The following LUZP2 variants were observed in gnomAD, a reference collection of about 807,000 sequenced individuals.
LUZP2 encodes leucine zipper protein 2.
Under a neutral mutation model 51.6 loss-of-function variants are expected in LUZP2, and 52 were observed. The observed-to-expected ratio is 1.01, with a 90% CI of 0.81 to 1.27. The LOEUF (loss-of-function observed/expected upper bound fraction) is 1.27. LUZP2 is among the 50% of genes most tolerant of loss of function. LUZP2 has a pLI of 0.00. For missense variants in LUZP2, 436 were observed against 395.4 expected, an observed-to-expected ratio of 1.10 and a Z score of -0.87; for synonymous variants, 154 against 137.3, an observed-to-expected ratio of 1.12 and a Z score of -0.85.
At chr11:25,037,040 T>C (rs1171366127) in intron 9 of LUZP2, among the ~76,000 whole-genome samples, 1 of 152,110 alleles carries the variant, frequency 6.6e-6, no homozygotes, top group African/African-American at 2.4e-5. Context: ...TCTGTCTAAT[T>C]CTGTTAATGG....
intron 5 of LUZP2, among the ~76,000 whole-genome samples, chr11:24,866,002 T>G (rs1565016819): frequency 6.6e-6 from 1 of 151,032 alleles, no homozygotes; most frequent in Non-Finnish European, 1.5e-5. Context: ...TAGAGAGGGG[T>G]TTCACCATGT....
intron 7 of LUZP2, among the ~76,000 whole-genome samples, chr11:24,973,403 A>G (rs1162348164): frequency 1.1e-5 from 1 of 91,472 alleles, no homozygotes; most frequent in African/African-American, 3.4e-5. Flanking sequence ...TCCTGGGTTC[A>G]TTGATTTTTT....
intron 6 of LUZP2, among the ~76,000 whole-genome samples, chr11:24,908,914 A>G (rs1172552204): frequency 1.3e-5 from 2 of 151,088 alleles, no homozygotes; most frequent in African/African-American, 2.4e-5. Context: ...TTAGCCCGCC[A>G]CCACACCCAG....
intron 10 of LUZP2, among the ~76,000 whole-genome samples, chr11:25,063,813 CCAGGTTCTTTGTCTTTATTT>C (rs1483119869): frequency 6.6e-6 from 1 of 151,712 alleles, no homozygotes; most frequent in Non-Finnish European, 1.5e-5. Flanking sequence ...GAGCTTTATT[CCAGGTTCTTTGTCTTTATTT>C]AACCCCACAA....
chr11:24,729,363 TTAAA>T, intron 2 of LUZP2, 77 bp downstream of exon 2: 1 of 713,708 alleles, frequency 1.4e-6, no homozygotes, highest in Non-Finnish European at 2.3e-6. Flanking sequence ...ACATGCATTT[TTAAA>T]TAGTTTTTAA....
At chr11:24,763,477 C>T (rs1039534082) in intron 5 of LUZP2, among the ~76,000 whole-genome samples, 169 bp downstream of exon 5, 1 of 151,948 alleles carries the variant, frequency 6.6e-6, no homozygotes, top group Non-Finnish European at 1.5e-5. Flanking sequence ...AGTAGATAAT[C>T]CTTACGTTTA....
At chr11:24,860,172 T>C (rs1051083726) in intron 5 of LUZP2, among the ~76,000 whole-genome samples, 1 of 152,154 alleles carries the variant, frequency 6.6e-6, no homozygotes, top group Admixed American at 6.5e-5. Context: ...CTGGCTGTCA[T>C]CCGTCATCTG....
At chr11:24,741,862 TGTA>T (rs1859158355) in intron 4 of LUZP2, among the ~76,000 whole-genome samples, 1 of 136,780 alleles carries the variant, frequency 7.3e-6, no homozygotes, top group African/African-American at 2.9e-5. Context: ...AATATATAAA[TGTA>T]TATATATTTA....
chr11:25,023,882 T>C (rs1857411058), intron 9 of LUZP2, among the ~76,000 whole-genome samples: 1 of 152,192 alleles, frequency 6.6e-6, no homozygotes, highest in Non-Finnish European at 1.5e-5. Flanking sequence ...TGTCTTCATT[T>C]CGTTATGTAC....
chr11:24,981,606 G>C (rs1206954183), intron 8 of LUZP2, among the ~76,000 whole-genome samples: 1 of 151,818 alleles, frequency 6.6e-6, no homozygotes, highest in Non-Finnish European at 1.5e-5. Flanking sequence ...GAGTTGCTCT[G>C]GTTCAAACGC....
At chr11:24,960,371 A>G (rs1420089511) in intron 7 of LUZP2, among the ~76,000 whole-genome samples, 7 of 152,104 alleles carry the variant, frequency 4.6e-5, no homozygotes, top group African/African-American at 1.2e-4. Flanking sequence ...CTGTGAATCC[A>G]TCTGGTCCTG....
intron 9 of LUZP2, among the ~76,000 whole-genome samples, chr11:25,009,057 C>G (rs894506930): frequency 6.6e-6 from 1 of 152,082 alleles, no homozygotes; most frequent in African/African-American, 2.4e-5. Flanking sequence ...GTCATAAACA[C>G]TAATATACAA....
intron 1 of LUZP2, among the ~76,000 whole-genome samples, chr11:24,648,630 G>A (rs1855535061): frequency 6.6e-6 from 1 of 151,880 alleles, no homozygotes; most frequent in Non-Finnish European, 1.5e-5. Context: ...ATGAACCATG[G>A]CAAAGGAGTC....
At chr11:24,816,408 C>T (rs1341829488) in intron 5 of LUZP2, among the ~76,000 whole-genome samples, 1 of 151,884 alleles carries the variant, frequency 6.6e-6, no homozygotes, top group African/African-American at 2.4e-5. Flanking sequence ...TAAAGCACAA[C>T]TAGGATGTGA....
intron 1 of LUZP2, among the ~76,000 whole-genome samples, chr11:24,637,627 C>T (rs1855149896): frequency 6.6e-6 from 1 of 151,704 alleles, no homozygotes; most frequent in Non-Finnish European, 1.5e-5. Flanking sequence ...AACGGCCGCT[C>T]TAGGGGTGTC....
chr11:24,949,832 A>G (rs1261108762), intron 7 of LUZP2, among the ~76,000 whole-genome samples: 1 of 151,634 alleles, frequency 6.6e-6, no homozygotes, highest in East Asian at 1.9e-4. Context: ...GAACTCTTTG[A>G]AATTAGTTTG....
chr11:24,721,811 A>G (rs1185469593), intron 1 of LUZP2, among the ~76,000 whole-genome samples: 1 of 152,200 alleles, frequency 6.6e-6, no homozygotes, highest in Non-Finnish European at 1.5e-5. Flanking sequence ...ATGGAAATGC[A>G]TTTGACCGTG....
chr11:24,746,390 C>G (rs1859381871), intron 4 of LUZP2, among the ~76,000 whole-genome samples: 1 of 152,132 alleles, frequency 6.6e-6, no homozygotes, highest in Non-Finnish European at 1.5e-5. Flanking sequence ...CCCAATCCTT[C>G]TAGCTTGTAG....
At chr11:24,574,301 C>G (rs1234311419) in intron 1 of LUZP2, among the ~76,000 whole-genome samples, 12 of 58,520 alleles carry the variant, frequency 2.1e-4, no homozygotes, top group African/African-American at 7.5e-4. Context: ...TTCTTTCTTT[C>G]TTTTTCTTTT....
Sources: allele counts gnomAD v4.1 joint callset (sites outside exome capture counted in the v4.1 genomes callset), GRCh38; gene constraint gnomAD v4.1.1; transcripts MANE v1.5; gene names NCBI Gene and HGNC (gene_info 2026-07-23, HGNC 2026-07-21).